Variants in SPTB observed in about 807,000 individuals in gnomAD.
SPTB encodes spectrin beta, erythrocytic.
In SPTB, 45 loss-of-function variants were observed where a neutral mutation model predicts 256.2. That is an observed-to-expected ratio of 0.18 (90% CI 0.14 to 0.23). SPTB has a LOEUF of 0.23. Ranked by LOEUF, SPTB falls within the 10% of genes least tolerant of loss-of-function variation. The pLI, the probability that SPTB is intolerant of heterozygous loss-of-function variation, is 1.00. For missense variants in SPTB, 2,715 were observed against 3,040.4 expected (o/e 0.89, Z 2.52); for synonymous variants, 1,231 against 1,243.1 (o/e 0.99, Z 0.21).
At position 64,767,555 on chromosome 14, in the gene SPTB, C is replaced by G. The variant is rs149197523; in HGVS notation, c.6219+108G>C. 3.4e-4 allele frequency: 509 copies of G among 1,485,602 alleles called. 3 individuals carry two copies. The African/African-American group carries it at 6.5e-3, about 19-fold the overall frequency. 92.0% of individuals were successfully genotyped at this position (1,485,602 alleles called of 1,614,324 possible). A position where few individuals can be genotyped will look rare whatever the true frequency, so the allele number is the denominator to read the frequency against. Reference sequence around the variant, plus strand: ...TTCCCATTGTCGCTGCTGGCCAAGCCTGTCACACCATTCTAAGTACCTAAC... The same window carrying G: ...TTCCCATTGTCGCTGCTGGCCAAGCGTGTCACACCATTCTAAGTACCTAAC... On this transcript the variant is annotated intron_variant, in intron 30 of 35. Coordinates refer to ENST00000644917, the MANE Select transcript of SPTB (RefSeq NM_001355436.2).
chr14:64,783,379 T>G (rs1480433164), intron 19 of SPTB, among the ~76,000 whole-genome samples: 2 of 152,108 alleles, frequency 1.3e-5, no homozygotes, highest in Non-Finnish European at 1.5e-5. Context: ...TTTTTGTATT[T>G]TTAGTAGAGA....
In SPTB at chr14:64,841,071, T is replaced by A. The variant is rs1050055010; in HGVS notation, c.-51-17926A>T. On this transcript the variant is annotated intron_variant, in intron 1 of 35. Coordinates refer to ENST00000644917, the MANE Select transcript of SPTB (RefSeq NM_001355436.2). This position sits in a 1 kb window ranked among gnomAD's most constrained non-coding sequence, Gnocchi z 4.6. ...AATTTCTCCAGCTATGAAGCTATTG[T>A]CATTGTGTATTTATTGAGAGTTTAC... Among the ~76,000 whole-genome samples the A allele has an allele frequency of 2.3e-4, 35 of 152,214 alleles. No individual in the cohort carries two copies. The highest frequency in any genetic ancestry group is 8.4e-4 in the African/African-American group (35 of 41,456).
At chr14:64,878,304 T>C (rs1388909904) in intron 1 of SPTB, among the ~76,000 whole-genome samples, 2 of 152,190 alleles carry the variant, frequency 1.3e-5, no homozygotes, top group African/African-American at 4.8e-5. Context: ...AACATTCCCT[T>C]TCCTGGCTAG....
At chr14:64,769,393 C>G (rs983889681) in intron 28 of SPTB, among the ~76,000 whole-genome samples, 197 bp downstream of exon 28, 3 of 151,804 alleles carry the variant, frequency 2.0e-5, no homozygotes, top group Admixed American at 6.5e-5. Flanking sequence ...TACTGAGTGG[C>G]CAGCTCCTTA....
chr14:64,751,720 G>GTGAT (rs1301157442), intron 33 of SPTB, among the ~76,000 whole-genome samples: 2 of 152,168 alleles, frequency 1.3e-5, no homozygotes, highest in African/African-American at 2.4e-5. Context: ...TTTTGTTTCA[G>GTGAT]TGATTGTTTT....
chr14:64,751,265 G>A (rs1307983641), intron 33 of SPTB, among the ~76,000 whole-genome samples: 9 of 151,686 alleles, frequency 5.9e-5, no homozygotes, highest in East Asian at 3.9e-4. Flanking sequence ...GACTACAGGC[G>A]CAAGCCACCA....
rs183790227 is a variant in SPTB at position 64,825,615 on chromosome 14, G to A, written c.-51-2470C>T. 1.4e-3 allele frequency among the ~76,000 whole-genome samples: 218 copies of A among 152,348 alleles called. 7 individuals are homozygous for A. Among genetic ancestry groups the A allele is most frequent in the Non-Finnish European group, 1.5e-3 (101 of 68,036 alleles). On this transcript the variant is annotated intron_variant, in intron 1 of 35. Transcript: ENST00000644917. The surrounding 1 kb of genome is among the most constrained non-coding windows in gnomAD (Gnocchi z 4.8). ...CTGCCAGACGCAGGAGGTGAGGTGAGATCAGACCCTGAGTGCAGGAAGTAA... is the reference window on the plus strand; with the variant it reads ...CTGCCAGACGCAGGAGGTGAGGTGAAATCAGACCCTGAGTGCAGGAAGTAA...
rs2139560237 is a variant in SPTB at position 64,785,457 on chromosome 14, T to C, written c.3855+80A>G. ...CAGCTCTTGAGCTAGAAAGGATCCC[T>C]GTGGACTTCCTGCCTTGAGGGAACT... On this transcript the variant is annotated intron_variant, in intron 18 of 35. Transcript: ENST00000644917. The surrounding 1 kb of genome is among the most constrained non-coding windows in gnomAD (Gnocchi z 4.4). The C allele has an allele frequency of 7.6e-7, 1 of 1,308,384 alleles. No homozygotes were observed. The highest frequency in any genetic ancestry group is 2.5e-5 in the East Asian group (1 of 40,760). The allele number at this position is 1,308,384 out of a possible 1,614,324, so 81.0% of individuals were successfully genotyped here. A position where few individuals can be genotyped will look rare whatever the true frequency, so the allele number is the denominator to read the frequency against.
chr14:64,829,382 A>G (rs1356564240), intron 1 of SPTB, among the ~76,000 whole-genome samples: 1 of 152,214 alleles, frequency 6.6e-6, no homozygotes, highest in African/African-American at 2.4e-5. Context: ...AGGAGATGTA[A>G]TAATCAAATA....
chr14:64,754,250 G>A (rs2081992079), intron 32 of SPTB: 1 of 282,468 alleles, frequency 3.5e-6, no homozygotes, highest in Middle Eastern at 1.3e-3. Flanking sequence ...GTAGAATGTT[G>A]AATGGGAACT....
chr14:64,766,836 AC>A, intron 31 of SPTB, 35 bp from the exon 32 acceptor site: 9 of 1,605,220 alleles, frequency 5.6e-6, no homozygotes, highest in Non-Finnish European at 7.6e-6. Context: ...AGAAACAAGC[AC>A]CCCTCTGAGG....
At chr14:64,868,235 T>G (rs138009959) in intron 1 of SPTB, among the ~76,000 whole-genome samples, 14 of 152,122 alleles carry the variant, frequency 9.2e-5, no homozygotes, top group East Asian at 1.9e-4. Context: ...AACATAAGAA[T>G]AGTGACAGTG....
Position 64,746,815 on chromosome 14 carries a change from G to C in SPTB, c.*2491C>G, listed in dbSNP as rs1299680174. 6.6e-6 allele frequency: 1 copy of C among 152,536 alleles called. No homozygotes were observed. Among genetic ancestry groups the C allele is most frequent in the Non-Finnish European group, 1.5e-5 (1 of 68,102 alleles). The allele number at this position is 152,536 out of a possible 1,614,324, so 9.4% of individuals were successfully genotyped here. On this transcript the variant is annotated 3_prime_UTR_variant, in exon 36 of 36. Coordinates refer to ENST00000644917, the MANE Select transcript of SPTB (RefSeq NM_001355436.2). This position sits in a 1 kb window ranked among gnomAD's most constrained non-coding sequence, Gnocchi z 4.9. ...TAAACTGCCCTGGGAAGGAAGCCTGGTATGCTGGTGTGGACTGGAGCTGTG... is the reference window on the plus strand; with the variant it reads ...TAAACTGCCCTGGGAAGGAAGCCTGCTATGCTGGTGTGGACTGGAGCTGTG...
At position 64,771,003 on chromosome 14, in the gene SPTB, C is replaced by T. The variant is rs116677071; in HGVS notation, c.5680G>A (p.Gly1894Arg). 2.7e-5 allele frequency: 44 copies of T among 1,614,136 alleles called. No homozygotes were observed. The African/African-American group carries it at 4.0e-4, about 15-fold the overall frequency. Reference protein sequence around the residue: ...AWQALLDACAGRRTQLVDTAD... With the variant: ...AWQALLDACARRRTQLVDTAD... ...GTGTCCACTAGCTGGGTCCGGCGCC[C>T]GGCACAGGCATCGAGCAGCGCCTGC... is the stretch of plus-strand genomic sequence containing the variant. The change falls in exon 27 of 36, where the codon GGG becomes AGG. Residue 1894 changes from glycine (G) to arginine (R), a missense_variant. Physicochemically the swap from Gly to Arg is moderately radical, Grantham distance 125. Around this residue, in one of 4 missense-constraint regions of SPTB, gnomAD observed 2,239 missense variants for 2,384.4 expected, o/e 0.94. Coordinates refer to ENST00000644917, the MANE Select transcript of SPTB (RefSeq NM_001355436.2).
intron 32 of SPTB, among the ~76,000 whole-genome samples, chr14:64,762,770 A>G (rs988143942): frequency 6.6e-6 from 1 of 152,194 alleles, no homozygotes; most frequent in African/African-American, 2.4e-5. Flanking sequence ...GAGAAGGCTG[A>G]TAACGAGGGG....
chr14:64,840,316 C>T (rs764345062), intron 1 of SPTB, among the ~76,000 whole-genome samples: 2 of 152,200 alleles, frequency 1.3e-5, no homozygotes, highest in Admixed American at 6.5e-5. Flanking sequence ...GAATACTCCA[C>T]GAGGCTAACA....
chr14:64,847,185 A>G lies in SPTB; in HGVS notation c.-51-24040T>C, dbSNP rs756431369. ...CTAATCTTCAAAGCTCCAGAAAATT[A>G]AAACAGAATTTCACTAGGAAACAGT... On this transcript the variant is annotated intron_variant, in intron 1 of 35. Coordinates refer to ENST00000644917, the MANE Select transcript of SPTB (RefSeq NM_001355436.2). The surrounding 1 kb of genome is among the most constrained non-coding windows in gnomAD (Gnocchi z 5.9). Among the ~76,000 whole-genome samples the G allele has an allele frequency of 1.3e-5, 2 of 152,226 alleles. No individual in the cohort carries two copies. The highest frequency in any genetic ancestry group is 2.9e-5 in the Non-Finnish European group (2 of 68,034).
At position 64,784,275 on chromosome 14, in the gene SPTB, T is replaced by G. The variant is rs146778255; in HGVS notation, c.3974A>C (p.His1325Pro). The G allele has an allele frequency of 1.2e-6, 2 of 1,614,126 alleles. No homozygotes were observed. The highest frequency in any genetic ancestry group is 1.7e-6 in the Non-Finnish European group (2 of 1,180,042). ...ATCGATGTTCTCTAGCCACCCTTCA[T>G]GGGAAGCCAGCTCTGCCACAAACGC... is the stretch of plus-strand genomic sequence containing the variant. ...HQAFVAELAS[H>P]EGWLENIDAE... Residue 1325 changes from histidine to proline, a missense_variant, in exon 19 of 36, where the codon CAT (histidine) becomes CCT (proline). By Grantham distance (77) the His-to-Pro change is moderately conservative. Transcript: ENST00000644917.
chr14:64,863,665 T>C (rs1481710129), intron 1 of SPTB, among the ~76,000 whole-genome samples: 10 of 152,240 alleles, frequency 6.6e-5, no homozygotes, highest in Non-Finnish European at 1.2e-4. Context: ...CTCCATGTCA[T>C]TGCTGTGCAC....
Sources: allele counts gnomAD v4.1 joint callset (sites outside exome capture counted in the v4.1 genomes callset), GRCh38; gene constraint gnomAD v4.1.1; regional missense constraint gnomAD v4.1.1; non-coding constraint Gnocchi (gnomAD v3.1); transcripts MANE v1.5; gene names NCBI Gene and HGNC (gene_info 2026-07-23, HGNC 2026-07-21).